OSER1: variants seen among roughly 807,000 people sequenced by gnomAD.
OSER1 encodes the protein oxidative stress-responsive serine-rich protein 1.
A neutral mutation model predicts 26.3 loss-of-function variants in OSER1; 15 were observed. The observed-to-expected ratio is 0.57, with a 90% CI of 0.38 to 0.88. The LOEUF (loss-of-function observed/expected upper bound fraction) is 0.88. Ranked by LOEUF, OSER1 falls within the 40% of genes least tolerant of loss-of-function variation. The pLI is 0.00. For missense variants in OSER1, 313 were observed against 353.9 expected, an observed-to-expected ratio of 0.88 and a Z score of 0.93; for synonymous variants, 127 against 128.2, an observed-to-expected ratio of 0.99 and a Z score of 0.07.
intron 3 of OSER1, among the ~76,000 whole-genome samples, chr20:44,202,561 T>C (rs895797270): frequency 6.6e-6 from 1 of 151,868 alleles, no homozygotes; most frequent in Non-Finnish European, 1.5e-5. Context: ...TCAAGATACA[T>C]AAAGCAAAAA....
At chr20:44,209,132 T>G (rs904727654) in intron 1 of OSER1, among the ~76,000 whole-genome samples, 1 of 152,212 alleles carries the variant, frequency 6.6e-6, no homozygotes, top group East Asian at 1.9e-4. Context: ...TATACCATGC[T>G]GACTTAATAG....
At chr20:44,201,287 A>C (rs1431386359) in intron 3 of OSER1, among the ~76,000 whole-genome samples, 1 of 152,222 alleles carries the variant, frequency 6.6e-6, no homozygotes, top group East Asian at 1.9e-4. Context: ...AACAGACATA[A>C]GCATCCTCAG....
chr20:44,196,339 T>C lies in OSER1; in HGVS notation c.*713A>G, dbSNP rs1434652550. 6.7e-6 allele frequency among the ~76,000 whole-genome samples: 1 copy of C among 148,652 alleles called. No homozygotes were observed. Among genetic ancestry groups the C allele is most frequent in the African/African-American group, 2.5e-5 (1 of 40,436 alleles). On this transcript the variant is annotated 3_prime_UTR_variant, in exon 4 of 4. Transcript: ENST00000255174. ...CGCCATATATTTAAAATGCTGGAGA[T>C]GGTGAAGACACACACTCGTTTCAAA...
chr20:44,210,425 C>T (rs2073090570), intron 1 of OSER1, among the ~76,000 whole-genome samples: 1 of 152,074 alleles, frequency 6.6e-6, no homozygotes, highest in East Asian at 1.9e-4. Context: ...TGCCGCTGGG[C>T]GGGAGACGGC....
rs2072944896 is a variant in OSER1 at position 44,198,398 on chromosome 20, T to A, written c.192-659A>T. ...ACTTTGGGAGGCCGAGGCAGGTGGA[T>A]CACGAGGTCAGGAGATTGAGACCAT... On this transcript the variant is annotated intron_variant, in intron 3 of 3. Transcript: ENST00000255174. Among the ~76,000 whole-genome samples the A allele has an allele frequency of 3.3e-5, 5 of 152,256 alleles. No individual in the cohort carries two copies. In the South Asian group the frequency reaches 1.0e-3, roughly 32 times the overall value.
At chr20:44,210,391 C>T (rs1182659285) in intron 1 of OSER1, among the ~76,000 whole-genome samples, 1 of 152,178 alleles carries the variant, frequency 6.6e-6, no homozygotes, top group African/African-American at 2.4e-5. Flanking sequence ...CAAAGGGCGG[C>T]CAAGGAGGGC....
At chr20:44,197,945 T>C (rs181011683) in intron 3 of OSER1, among the ~76,000 whole-genome samples, 146 of 152,306 alleles carry the variant, frequency 9.6e-4, no homozygotes, top group African/African-American at 3.4e-3. Flanking sequence ...TAGCAAGCTA[T>C]AGAACGAGGT....
At chr20:44,210,625 C>T (rs2073094789) in intron 1 of OSER1, 71 bp downstream of exon 1, 1 of 152,442 alleles carries the variant, frequency 6.6e-6, no homozygotes, top group Non-Finnish European at 1.5e-5. Flanking sequence ...GGAAAACCGC[C>T]CGCGGCCAGA....
Position 44,197,695 on chromosome 20 carries a change from C to T in OSER1, c.236G>A (p.Arg79His), listed in dbSNP as rs763498683. The T allele has an allele frequency of 5.6e-6, 9 of 1,613,770 alleles. No individual in the cohort carries two copies. The highest frequency in any genetic ancestry group is 2.2e-5 in the East Asian group (1 of 44,898). The stretch of plus-strand genomic sequence containing the variant: ...AAGGACAGGAGACTTAGAACGTCGA[C>T]GACGCTGAGTTCTCACTGCTCCTCG... ...SSRGAVRTQR[R>H]RRSKSPVLHP... Residue 79 changes from arginine (R) to histidine (H), a missense_variant, in exon 4 of 4, where the codon CGT (arginine) becomes CAT (histidine). Arg to His is a conservative substitution (Grantham distance 29). Coordinates refer to ENST00000255174, the MANE Select transcript of OSER1 (RefSeq NM_016470.8).
intron 2 of OSER1, 76 bp downstream of exon 2, chr20:44,206,805 G>A (rs2073042299): frequency 3.0e-6 from 2 of 671,474 alleles, no homozygotes; most frequent in Admixed American, 4.8e-5. Context: ...AAAAGAGGAA[G>A]AGCTTTTTAG....
At chr20:44,200,882 A>G (rs2072974998) in intron 3 of OSER1, among the ~76,000 whole-genome samples, 1 of 152,256 alleles carries the variant, frequency 6.6e-6, no homozygotes, top group African/African-American at 2.4e-5. Flanking sequence ...TTCAATACCA[A>G]TGTAACGAAA....
chr20:44,200,420 G>C lies in OSER1; in HGVS notation c.191+2541C>G, dbSNP rs111655261. 7.9e-3 allele frequency among the ~76,000 whole-genome samples: 1,197 copies of C among 152,242 alleles called. 11 individuals are homozygous for C. The highest frequency in any genetic ancestry group is 0.027 in the African/African-American group (1,108 of 41,532). On this transcript the variant is annotated intron_variant, in intron 3 of 3. Transcript: ENST00000255174. ...AGGACGGCCAACCCCAGGCAAACAG[G>C]GTAGAGTAGGAGTTTTCTCTCTTAT... is the stretch of plus-strand genomic sequence containing the variant.
chr20:44,206,446 G>A (rs1434804440), intron 2 of OSER1, among the ~76,000 whole-genome samples: 1 of 152,132 alleles, frequency 6.6e-6, no homozygotes, highest in Non-Finnish European at 1.5e-5. Context: ...CCTGAATAGA[G>A]GTTTCCATAG....
At chr20:44,207,055 G>A (rs1270930259) in intron 1 of OSER1, 57 bp from the exon 2 acceptor site, 3 of 802,222 alleles carry the variant, frequency 3.7e-6, no homozygotes, top group African/African-American at 3.5e-5. Context: ...AAGTATACCT[G>A]TTACCATTAC....
intron 2 of OSER1, among the ~76,000 whole-genome samples, chr20:44,206,056 T>G (rs1213577921): frequency 6.6e-6 from 1 of 151,982 alleles, no homozygotes; most frequent in East Asian, 1.9e-4. Context: ...TTAATTTGTG[T>G]GAGTCTCATC....
chr20:44,209,367 T>C (rs559462305), intron 1 of OSER1, among the ~76,000 whole-genome samples: 12 of 152,344 alleles, frequency 7.9e-5, no homozygotes, highest in African/African-American at 2.6e-4. Flanking sequence ...GCGTTAGGCA[T>C]AACCTTAAGA....
At chr20:44,205,909 C>T (rs990761094) in intron 2 of OSER1, among the ~76,000 whole-genome samples, 5 of 141,028 alleles carry the variant, frequency 3.5e-5, no homozygotes, top group Non-Finnish European at 7.5e-5. Context: ...CACTGCACTC[C>T]AGCCTGGGCG....
In OSER1 at chr20:44,197,215, TGA is replaced by T; in HGVS notation, c.714_715del (p.Gln239ValfsTer16). 1 of 1,614,198 alleles carries T rather than the reference TGA, an allele frequency of 6.2e-7. No individual in the cohort carries two copies. Among genetic ancestry groups the T allele is most frequent in the African/African-American group, 1.3e-5 (1 of 75,074 alleles). On this transcript the variant is annotated frameshift_variant, in exon 4 of 4. Coordinates refer to ENST00000255174, the MANE Select transcript of OSER1 (RefSeq NM_016470.8). LOFTEE classifies it high-confidence loss of function. The stretch of plus-strand genomic sequence containing the variant: ...AGACAGAGTTCTGGCGTGCAGCGAC[TGA>T]GAGTAGTCCTCAAGTGTGGATCTTC...
upstream of OSER1, chr20:44,211,454 C>T (rs1042682631): frequency 6.6e-6 from 1 of 152,158 alleles, no homozygotes; most frequent in Admixed American, 6.5e-5. Flanking sequence ...CTTGAGGCAA[C>T]TGCTTTTCCT....
Sources: gnomAD v4.1 joint callset for allele counts (sites outside exome capture counted in the v4.1 genomes callset) on GRCh38, gnomAD v4.1.1 for gene constraint, MANE v1.5 for transcripts, NCBI Gene and HGNC (gene_info 2026-07-23, HGNC 2026-07-21) for gene names.